Variants in ERC2 observed in about 807,000 individuals in gnomAD.
ERC2 encodes ERC protein 2.
ERC2 carries 42 observed loss-of-function variants against 114.8 expected under a neutral mutation model. The ratio of observed to expected loss-of-function variants is 0.37; its 90% CI spans 0.29 to 0.47. ERC2 has a LOEUF of 0.47. Among genes scored for constraint, ERC2 ranks in the 20% least tolerant of loss-of-function variants. The pLI, the probability that ERC2 is intolerant of heterozygous loss-of-function variation, is 0.99. For synonymous variants in ERC2, 454 were observed against 425.5 expected, an observed-to-expected ratio of 1.07 and a Z score of -0.82; for missense variants, 939 against 1,150.7, an observed-to-expected ratio of 0.82 and a Z score of 2.66.
At chr3:56,311,245 C>A (rs1378788602) in intron 2 of ERC2, among the ~76,000 whole-genome samples, 2,406 of 23,542 alleles carry the variant, frequency 0.1, 37 homozygotes, top group Admixed American at 0.14. Context: ...CTCTCTCTCT[C>A]TCTCTCTCTC....
chr3:56,139,956 C>A (rs537000336), intron 5 of ERC2, among the ~76,000 whole-genome samples: 5 of 152,250 alleles, frequency 3.3e-5, no homozygotes, highest in Admixed American at 6.5e-5. Context: ...GGAATGAAGC[C>A]TTCCCAGCCA....
intron 4 of ERC2, among the ~76,000 whole-genome samples, chr3:56,168,025 TG>T: frequency 6.6e-6 from 1 of 152,274 alleles, no homozygotes; most frequent in East Asian, 1.9e-4. Flanking sequence ...AAGTAAATGT[TG>T]AAAGAAAAAA....
intron 13 of ERC2, among the ~76,000 whole-genome samples, chr3:55,916,987 G>A (rs185130724): frequency 6.6e-6 from 1 of 152,178 alleles, no homozygotes; most frequent in East Asian, 1.9e-4. Flanking sequence ...AAGCCATGAG[G>A]TATGATTTGT....
chr3:56,100,415 A>G (rs1207323829), intron 6 of ERC2, among the ~76,000 whole-genome samples: 3 of 152,198 alleles, frequency 2.0e-5, no homozygotes, highest in African/African-American at 7.2e-5. Context: ...GCACAGTGGT[A>G]GACCCTGGGA....
In ERC2 at chr3:55,714,659, GTGTGTGTGTATATATATATATATATA is replaced by G. The variant is rs1396827367; in HGVS notation, c.2713-15173_2713-15148del. Reference sequence around the variant, plus strand: ...TATATATGTGTGTGTGTGTGTGTGTGTGTGTGTGTATATATATATATATATATATATATATATATATATATATATAT... The same window carrying G: ...TATATATGTGTGTGTGTGTGTGTGTGTATATATATATATATATATATATAT... On this transcript the variant is annotated intron_variant, in intron 15 of 17. Coordinates refer to ENST00000288221, the MANE Select transcript of ERC2 (RefSeq NM_015576.3). Among the ~76,000 whole-genome samples the G allele has an allele frequency of 7.6e-3, 536 of 70,848 alleles. 10 individuals are homozygous for G. The highest frequency in any genetic ancestry group is 0.025 in the African/African-American group (342 of 13,724). 46.5% of individuals were successfully genotyped at this position (70,848 alleles called of 152,430 possible).
intron 13 of ERC2, among the ~76,000 whole-genome samples, chr3:55,899,383 A>G (rs1325289796): frequency 6.6e-6 from 1 of 152,232 alleles, no homozygotes; most frequent in African/African-American, 2.4e-5. Context: ...AATCAGAATA[A>G]AAGTTTGTAT....
chr3:56,059,302 G>A (rs961222487), intron 7 of ERC2, among the ~76,000 whole-genome samples: 9 of 151,960 alleles, frequency 5.9e-5, no homozygotes, highest in African/African-American at 1.2e-4. Flanking sequence ...TGTTGGCCAC[G>A]GTGGTCTCGA....
At chr3:56,468,005 A>T (rs2063628740) in intron 1 of ERC2, among the ~76,000 whole-genome samples, 1 of 151,836 alleles carries the variant, frequency 6.6e-6, no homozygotes, top group Admixed American at 6.5e-5. Flanking sequence ...CGCTGGAGGA[A>T]ACCGTGCACT....
chr3:56,163,897 T>A (rs777694217), intron 4 of ERC2, among the ~76,000 whole-genome samples: 4 of 152,032 alleles, frequency 2.6e-5, no homozygotes, highest in Non-Finnish European at 5.9e-5. Flanking sequence ...GAGGTTTTGA[T>A]CCTATAATGA....
rs202098182 is a variant in ERC2 at position 56,201,160 on chromosome 3, T to C, written c.1075-27640A>G. ...TCTCCCCATCCTATCTTCACTACCA[T>C]CTCCCTAACATCTGACACAGCTCCC... is the stretch of plus-strand genomic sequence containing the variant. On this transcript the variant is annotated intron_variant, in intron 3 of 17. Transcript: ENST00000288221. Among the ~76,000 whole-genome samples the C allele has an allele frequency of 6.6e-5, 10 of 152,154 alleles. 1 individual carries two copies. In the East Asian group the frequency reaches 1.9e-3, roughly 30 times the overall value.
chr3:56,190,440 G>A (rs2083913112), intron 3 of ERC2, among the ~76,000 whole-genome samples: 2 of 152,030 alleles, frequency 1.3e-5, no homozygotes, highest in African/African-American at 2.4e-5. Context: ...TTAGCTATCT[G>A]TCTATTCATT....
intron 17 of ERC2, among the ~76,000 whole-genome samples, chr3:55,532,764 A>G (rs778392443): frequency 2.0e-4 from 30 of 152,206 alleles, no homozygotes; most frequent in Non-Finnish European, 3.2e-4. Flanking sequence ...TAAAGGTACT[A>G]TCAGGCTCCT....
intron 2 of ERC2, among the ~76,000 whole-genome samples, chr3:56,328,054 C>T (rs2057446843): frequency 6.6e-6 from 1 of 152,140 alleles, no homozygotes; most frequent in African/African-American, 2.4e-5. Flanking sequence ...GTTAGACCCA[C>T]CTATTTAAAT....
chr3:55,601,095 A>G (rs1427046852), intron 17 of ERC2, among the ~76,000 whole-genome samples: 2 of 152,240 alleles, frequency 1.3e-5, no homozygotes, highest in Non-Finnish European at 2.9e-5. Context: ...GGAAGGCCAC[A>G]TTGGTGACCA....
intron 3 of ERC2, among the ~76,000 whole-genome samples, chr3:56,182,021 T>A (rs2083317036): frequency 1.3e-5 from 2 of 152,202 alleles, no homozygotes; most frequent in Non-Finnish European, 1.5e-5. Context: ...CCCAAATTCC[T>A]GACCTACAGA....
chr3:55,862,983 G>T (rs541413024), intron 14 of ERC2, among the ~76,000 whole-genome samples: 41 of 152,274 alleles, frequency 2.7e-4, no homozygotes, highest in African/African-American at 9.6e-4. Context: ...ATCTTGAAGT[G>T]AGCACATTAA....
At chr3:56,284,260 G>A (rs976391656) in intron 3 of ERC2, among the ~76,000 whole-genome samples, 12 of 152,152 alleles carry the variant, frequency 7.9e-5, no homozygotes, top group Admixed American at 7.9e-4. Context: ...AAAAATAAAG[G>A]TTTCAATTGC....
chr3:56,363,426 T>C (rs1380497140), intron 2 of ERC2, among the ~76,000 whole-genome samples: 1 of 152,168 alleles, frequency 6.6e-6, no homozygotes, highest in Non-Finnish European at 1.5e-5. Context: ...TAAACCAGTA[T>C]CCTTATCCAA....
intron 15 of ERC2, among the ~76,000 whole-genome samples, chr3:55,719,753 T>C (rs1052684889): frequency 3.9e-5 from 6 of 152,032 alleles, no homozygotes; most frequent in Non-Finnish European, 8.8e-5. Context: ...AAGGATTGCA[T>C]CAGTAGAAAG....
Sources: gnomAD v4.1 joint callset for allele counts (sites outside exome capture counted in the v4.1 genomes callset) on GRCh38, gnomAD v4.1.1 for gene constraint, MANE v1.5 for transcripts, NCBI Gene and HGNC (gene_info 2026-07-23, HGNC 2026-07-21) for gene names.